Variants in MAMLD1 observed in about 807,000 individuals in gnomAD.
The protein encoded by MAMLD1 is mastermind like domain containing 1.
A neutral mutation model predicts 45.0 loss-of-function variants in MAMLD1; 14 were observed. The observed-to-expected ratio is 0.31, with a 90% confidence interval of 0.21 to 0.49. MAMLD1 has a LOEUF of 0.49. Among genes scored for constraint, MAMLD1 ranks in the 20% least tolerant of loss-of-function variants. The pLI, the probability that MAMLD1 is intolerant of heterozygous loss-of-function variation, is 0.99. For synonymous variants in MAMLD1, 254 were observed against 247.8 expected (o/e 1.02, Z -0.24); for missense variants, 543 against 603.6 (o/e 0.90, Z 1.05).
intron 1 of MAMLD1, among the ~76,000 whole-genome samples, chrX:150,371,629 T>C (rs782719435): frequency 8.9e-6 from 1 of 111,931 alleles, no homozygotes; most frequent in Non-Finnish European, 1.9e-5. Context: ...AATTCCAAGT[T>C]CTTGGTCCAA....
At chrX:150,471,807 G>A (rs1445863794) in intron 4 of MAMLD1, among the ~76,000 whole-genome samples, 1 of 112,022 alleles carries the variant, frequency 8.9e-6, no homozygotes, top group Non-Finnish European at 1.9e-5. Flanking sequence ...CCCTGCACTG[G>A]GCCATGTAGA....
chrX:150,399,321 A>T (rs2033653485), intron 1 of MAMLD1, among the ~76,000 whole-genome samples: 1 of 112,029 alleles, frequency 8.9e-6, no homozygotes, highest in African/African-American at 3.3e-5. Flanking sequence ...TCATACAGAG[A>T]TGCGGGCTGG....
chrX:150,465,480 T>C (rs1417126816), intron 3 of MAMLD1, among the ~76,000 whole-genome samples: 5 of 111,956 alleles, frequency 4.5e-5, no homozygotes, highest in Non-Finnish European at 1.9e-5. Context: ...TAATGAATGT[T>C]TATAAGGTCA....
chrX:150,426,394 G>C (rs2124563821), intron 1 of MAMLD1, among the ~76,000 whole-genome samples: 1 of 112,061 alleles, frequency 8.9e-6, no homozygotes, highest in East Asian at 2.8e-4. Flanking sequence ...CGGAAGTCTG[G>C]AAAGTAGGAA....
At chrX:150,465,622 C>T (rs1287389624) in intron 3 of MAMLD1, among the ~76,000 whole-genome samples, 1 of 112,529 alleles carries the variant, frequency 8.9e-6, no homozygotes, top group African/African-American at 3.2e-5. Context: ...CCCTTCCTCA[C>T]CACCAAAGGC....
chrX:150,503,906 G>A (rs2037645209), intron 6 of MAMLD1: 1 of 192,378 alleles, frequency 5.2e-6, no homozygotes, highest in Admixed American at 9.3e-5. Flanking sequence ...GGGGACAGGG[G>A]CTGTGCTTCT....
intron 5 of MAMLD1, among the ~76,000 whole-genome samples, chrX:150,494,698 G>A (rs1414187689): frequency 9.1e-6 from 1 of 109,492 alleles, no homozygotes; most frequent in Non-Finnish European, 1.9e-5. Flanking sequence ...TGGGCAACAT[G>A]GGGAAACCCT....
At chrX:150,402,719 A>G (rs1360676359) in intron 1 of MAMLD1, among the ~76,000 whole-genome samples, 2 of 112,270 alleles carry the variant, frequency 1.8e-5, no homozygotes, top group Non-Finnish European at 3.8e-5. Context: ...TGGCACATAT[A>G]CACCATGGAA....
intron 1 of MAMLD1, among the ~76,000 whole-genome samples, chrX:150,412,693 G>A (rs1311141755): frequency 1.3e-4 from 14 of 109,545 alleles, no homozygotes; most frequent in South Asian, 4.0e-4. Flanking sequence ...ACAGCCTTAC[G>A]AGTTTTTGTT....
Position 150,408,928 on chromosome X carries a change from G to A in MAMLD1, c.-63-36526G>A, listed in dbSNP as rs782084326. Among the ~76,000 whole-genome samples, 11 of 111,995 alleles carry A rather than the reference G, an allele frequency of 9.8e-5. No homozygotes were observed. The East Asian group carries it at 2.8e-3, about 28-fold the overall frequency. ...CAATGGAGAAAGGAAATAAGATAGGGAGTGGCAAAGGAAAAAACTTAAAGC... is the reference window on the plus strand; with the variant it reads ...CAATGGAGAAAGGAAATAAGATAGGAAGTGGCAAAGGAAAAAACTTAAAGC... On this transcript the variant is annotated intron_variant, in intron 1 of 7. Coordinates refer to ENST00000370401, the MANE Select transcript of MAMLD1 (RefSeq NM_005491.5).
chrX:150,367,864 C>T (rs2031618647), intron 1 of MAMLD1, among the ~76,000 whole-genome samples: 2 of 111,527 alleles, frequency 1.8e-5, no homozygotes, highest in East Asian at 2.8e-4. Context: ...CTAGCTTCAT[C>T]CATGTCCCTA....
chrX:150,471,001 G>A lies in MAMLD1; in HGVS notation c.1428G>A (p.Gln476=), dbSNP rs2036402627. The A allele has an allele frequency of 2.5e-6, 3 of 1,210,031 alleles. No homozygotes were observed. The highest frequency in any genetic ancestry group is 2.2e-5 in the Admixed American group (1 of 45,804). Residue 476 remains glutamine, a synonymous_variant, in exon 4 of 8, where the codon CAG becomes CAA. Coordinates refer to ENST00000370401, the MANE Select transcript of MAMLD1 (RefSeq NM_005491.5). ...TGCCACAGCAGTCCTTCACCCCACAGTGTTCCCTGATCCGAAGCCTCACTC... is the reference window on the plus strand; with the variant it reads ...TGCCACAGCAGTCCTTCACCCCACAATGTTCCCTGATCCGAAGCCTCACTC... The part of the protein sequence containing the change: ...PGLPQQSFTP[Q]CSLIRSLTPT...
At chrX:150,488,748 C>G (rs1470658851) in intron 5 of MAMLD1, among the ~76,000 whole-genome samples, 1 of 113,111 alleles carries the variant, frequency 8.8e-6, no homozygotes, top group Non-Finnish European at 1.9e-5. Flanking sequence ...GTAGGTTATG[C>G]TTATGCTCAT....
intron 7 of MAMLD1, 145 bp from the exon 8 acceptor site, chrX:150,511,859 A>C: frequency 7.2e-6 from 3 of 413,828 alleles, no homozygotes; most frequent in African/African-American, 2.5e-5. Context: ...ATGGCGAGGA[A>C]CTGGGGAGCA....
Position 150,512,106 on chromosome X carries a change from T to C in MAMLD1, c.*147T>C, listed in dbSNP as rs2037918028. On this transcript the variant is annotated 3_prime_UTR_variant, in exon 8 of 8. Transcript: ENST00000370401. ...AGAACTGGGCTTCTTCAGAACAATCTGAGTCCAGGAATGATCCCACTCACC... is the reference window on the plus strand; with the variant it reads ...AGAACTGGGCTTCTTCAGAACAATCCGAGTCCAGGAATGATCCCACTCACC... 8.7e-7 allele frequency: 1 copy of C among 1,150,778 alleles called. No homozygotes were observed. Among genetic ancestry groups the C allele is most frequent in the Non-Finnish European group, 1.1e-6 (1 of 870,688 alleles). The allele number at this position is 1,150,778 out of a possible 1,213,427, so 94.8% of individuals were successfully genotyped here.
intron 3 of MAMLD1, among the ~76,000 whole-genome samples, chrX:150,464,157 G>A (rs1326289315): frequency 9.0e-6 from 1 of 111,725 alleles, no homozygotes; most frequent in Admixed American, 9.5e-5. Flanking sequence ...AAACGGAGGA[G>A]CTAGGACTTA....
At chrX:150,422,940 T>G (rs951308510) in intron 1 of MAMLD1, among the ~76,000 whole-genome samples, 3 of 111,541 alleles carry the variant, frequency 2.7e-5, no homozygotes, top group Non-Finnish European at 5.7e-5. Flanking sequence ...TCTCATTTGA[T>G]CCTTATGTGC....
intron 2 of MAMLD1, among the ~76,000 whole-genome samples, chrX:150,447,327 G>T (rs1557404838): frequency 8.9e-6 from 1 of 112,001 alleles, no homozygotes; most frequent in African/African-American, 3.3e-5. Context: ...TGAGTGGCTT[G>T]ACTCTTTCTA....
Position 150,441,917 on chromosome X carries a change from C to T in MAMLD1, c.-63-3537C>T, listed in dbSNP as rs183959526. On this transcript the variant is annotated intron_variant, in intron 1 of 7. Coordinates refer to ENST00000370401, the MANE Select transcript of MAMLD1 (RefSeq NM_005491.5). ...ATAAAGGTGAATTTTTCTATTTCTC[C>T]GTTCAGTTCTAAAAACGTTTGCTTC... Among the ~76,000 whole-genome samples, 739 of 111,228 alleles carry T rather than the reference C, an allele frequency of 6.6e-3. 4 individuals carry two copies. The highest frequency in any genetic ancestry group is 9.8e-3 in the Non-Finnish European group (518 of 52,826).
Sources: allele counts gnomAD v4.1 joint callset (sites outside exome capture counted in the v4.1 genomes callset), GRCh38; gene constraint gnomAD v4.1.1; transcripts MANE v1.5; gene names NCBI Gene and HGNC (gene_info 2026-07-23, HGNC 2026-07-21).